Variants in FLYWCH1 observed in about 807,000 individuals in gnomAD.
FLYWCH1 encodes the protein FLYWCH-type zinc finger 1.
In FLYWCH1, 75 loss-of-function variants were observed where a neutral mutation model predicts 66.4. That is an observed-to-expected ratio of 1.13 (90% CI 0.94 to 1.37). The LOEUF is 1.37. FLYWCH1 is among the 40% of genes most tolerant of loss of function. FLYWCH1 has a pLI of 0.00. For synonymous variants in FLYWCH1, 595 were observed against 429.9 expected (o/e 1.38, Z -4.75); for missense variants, 1,334 against 1,001.8 (o/e 1.33, Z -4.48).
At chr16:2,920,768 C>T (rs529162629) in intron 2 of FLYWCH1, among the ~76,000 whole-genome samples, 2 of 151,240 alleles carry the variant, frequency 1.3e-5, no homozygotes, top group Non-Finnish European at 2.9e-5. Flanking sequence ...CTCAAACTCC[C>T]CACCTCAGGT....
At chr16:2,924,481 C>T (rs531328847) in intron 2 of FLYWCH1, among the ~76,000 whole-genome samples, 1 of 152,314 alleles carries the variant, frequency 6.6e-6, no homozygotes, top group South Asian at 2.1e-4. Flanking sequence ...TTCCCAGGCT[C>T]CTTCATGTCT....
chr16:2,934,132 T>C (rs535933821), intron 6 of FLYWCH1, among the ~76,000 whole-genome samples, 153 bp downstream of exon 6: 13 of 152,128 alleles, frequency 8.5e-5, no homozygotes, highest in Admixed American at 1.3e-4. Context: ...TCCTACTCCT[T>C]GGCCCCCCTG....
In FLYWCH1 at chr16:2,933,543, G is replaced by A. The variant is rs377223717; in HGVS notation, c.1210G>A (p.Glu404Lys). 1.9e-5 allele frequency: 30 copies of A among 1,607,778 alleles called. No individual in the cohort carries two copies. Among genetic ancestry groups the A allele is most frequent in the East Asian group, 1.8e-4 (8 of 44,800 alleles). The change falls in exon 5 of 10, where the codon GAG becomes AAG. Residue 404 changes from glutamate to lysine, a missense_variant. Glu to Lys is a moderately conservative substitution (Grantham distance 56). Transcript: ENST00000253928. Reference protein sequence around the residue: ...VEDQELPTQPEAPDEHQDMDA... With the variant: ...VEDQELPTQPKAPDEHQDMDA... ...AGACCAGGAGCTGCCAACCCAGCCC[G>A]AGGCCCCAGACGAGCACCAGGACAT...
At chr16:2,918,245 T>G (rs6500714) in intron 2 of FLYWCH1, among the ~76,000 whole-genome samples, 65,781 of 145,314 alleles carry the variant, frequency 0.45, 15,528 homozygotes, top group South Asian at 0.56. Flanking sequence ...CCTCCCAGGC[T>G]CACACCATTC....
intron 4 of FLYWCH1, 63 bp from the exon 5 acceptor site, chr16:2,933,067 G>A: frequency 1.4e-6 from 2 of 1,434,270 alleles, no homozygotes; most frequent in Non-Finnish European, 1.9e-6. Flanking sequence ...CAGTCTGCAG[G>A]GGCTGTCCCT....
chr16:2,943,666 G>A (rs1186467642), intron 9 of FLYWCH1: 1 of 152,114 alleles, frequency 6.6e-6, no homozygotes, highest in Non-Finnish European at 1.5e-5. Context: ...CCAGGCGCGG[G>A]GGTTCACGCC....
At chr16:2,938,548 C>A in intron 8 of FLYWCH1, 92 bp downstream of exon 8, 1 of 1,248,484 alleles carries the variant, frequency 8.0e-7, no homozygotes, top group Non-Finnish European at 1.1e-6. Flanking sequence ...ACCCACTGAG[C>A]AGACTGCTTT....
intron 2 of FLYWCH1, among the ~76,000 whole-genome samples, chr16:2,921,583 A>T (rs1052661430): frequency 3.3e-5 from 5 of 152,116 alleles, no homozygotes; most frequent in African/African-American, 1.2e-4. Context: ...GCAACCTGGC[A>T]AAACCCCGTC....
chr16:2,933,408 G>C lies in FLYWCH1; in HGVS notation c.1075G>C (p.Gly359Arg), dbSNP rs758011834. The change falls in exon 5 of 10, where the codon GGG becomes CGG. Residue 359 changes from glycine (G) to arginine (R), a missense_variant. Gly to Arg is a moderately radical substitution (Grantham distance 125). Transcript: ENST00000253928. ...GCTGCAGGCTGGGCAGGACGGCCCT[G>C]GGAGCCAAGTGGACACGCTGCTCCG... ...ETLQAGQDGPGSQVDTLLRGV... is the reference protein window; with the variant it reads ...ETLQAGQDGPRSQVDTLLRGV... The C allele has an allele frequency of 2.2e-5, 36 of 1,601,586 alleles. No individual in the cohort carries two copies. The Admixed American group carries it at 5.0e-4, about 22-fold the overall frequency.
At chr16:2,928,698 A>C (rs9925416) in intron 2 of FLYWCH1, 102,020 of 152,474 alleles carry the variant, frequency 0.67, 35,018 homozygotes, top group African/African-American at 0.82. Flanking sequence ...CAGTAACAAT[A>C]TGATCTCTCT....
At chr16:2,936,562 C>G (rs989318949) in intron 6 of FLYWCH1, 14 of 456,610 alleles carry the variant, frequency 3.1e-5, no homozygotes, top group African/African-American at 2.4e-4. Flanking sequence ...TCTGTGGCCC[C>G]TGAGCCTGCA....
intron 9 of FLYWCH1, among the ~76,000 whole-genome samples, chr16:2,941,986 G>C (rs1393425544): frequency 1.3e-5 from 1 of 77,282 alleles, no homozygotes; most frequent in Non-Finnish European, 2.2e-5. Context: ...GACAGAGCAA[G>C]ACTCATCTCA....
chr16:2,937,977 C>G (rs1388833391), intron 7 of FLYWCH1, among the ~76,000 whole-genome samples: 2 of 152,178 alleles, frequency 1.3e-5, no homozygotes, highest in Non-Finnish European at 2.9e-5. Flanking sequence ...GCCACGTGCC[C>G]AGTCATCCCC....
chr16:2,949,007 G>A lies in FLYWCH1; in HGVS notation c.*280G>A. 1 of 474,608 alleles carries A rather than the reference G, an allele frequency of 2.1e-6. No homozygotes were observed. Among genetic ancestry groups the A allele is most frequent in the South Asian group, 2.2e-5 (1 of 46,360 alleles). The allele number at this position is 474,608 out of a possible 1,614,324, so 29.4% of individuals were successfully genotyped here. On this transcript the variant is annotated 3_prime_UTR_variant, in exon 10 of 10. Coordinates refer to ENST00000253928, the MANE Select transcript of FLYWCH1 (RefSeq NM_001308068.2). The stretch of plus-strand genomic sequence containing the variant: ...GACCTTTGGAAGACATGACAAAGCT[G>A]CCTGGACACGGACGCCCCTGCTGTA...
In FLYWCH1 at chr16:2,933,781, C is replaced by G. The variant is rs1226092540; in HGVS notation, c.1315C>G (p.Arg439Gly). Residue 439 changes from arginine (R) to glycine (G), a missense_variant, in exon 6 of 10, where the codon CGG becomes GGG. Physicochemically the swap from Arg to Gly is moderately radical, Grantham distance 125. Transcript: ENST00000253928. Reference protein sequence around the residue: ...SFLVYESFLYRREKAAGEKVY... With the variant: ...SFLVYESFLYGREKAAGEKVY... ...CCTGGTGTACGAGTCCTTCCTCTAC[C>G]GGCGGGAGAAGGCGGCTGGGGAGAA... 2.5e-6 allele frequency: 4 copies of G among 1,609,168 alleles called. No individual in the cohort carries two copies. In the African/African-American group the frequency reaches 5.4e-5, roughly 22 times the overall value.
chr16:2,927,749 C>T lies in FLYWCH1; in HGVS notation c.-73-1864C>T, dbSNP rs186364705. Among the ~76,000 whole-genome samples the T allele has an allele frequency of 3.2e-3, 485 of 152,316 alleles. 2 individuals carry two copies. The highest frequency in any genetic ancestry group is 5.2e-3 in the Non-Finnish European group (357 of 68,026). On this transcript the variant is annotated intron_variant, in intron 2 of 9. Transcript: ENST00000253928. ...ACACTGGGCGCCAGGTGAAGGAGGC[C>T]TGCCGCTCCACACCTATGGATATTT...
chr16:2,917,948 C>T (rs11649441), intron 2 of FLYWCH1, among the ~76,000 whole-genome samples: 3 of 151,784 alleles, frequency 2.0e-5, no homozygotes, highest in Admixed American at 1.3e-4. Context: ...GCAATTCTCC[C>T]TGCCTCAGCC....
rs1339230107 is a variant in FLYWCH1 at position 2,948,843 on chromosome 16, G to A, written c.*116G>A. On this transcript the variant is annotated 3_prime_UTR_variant, in exon 10 of 10. Transcript: ENST00000253928. ...AGAAACTTCTTTTCATTCTTCCAAA[G>A]CATCGATGGTCTTCGCGTCTCCTCA... 7 of 910,756 alleles carry A rather than the reference G, an allele frequency of 7.7e-6. No individual in the cohort carries two copies. Among genetic ancestry groups the A allele is most frequent in the Non-Finnish European group, 3.5e-6 (2 of 564,274 alleles). 56.4% of individuals were successfully genotyped at this position (910,756 alleles called of 1,614,324 possible).
At chr16:2,920,722 G>A (rs1394976181) in intron 2 of FLYWCH1, among the ~76,000 whole-genome samples, 3 of 151,574 alleles carry the variant, frequency 2.0e-5, no homozygotes, top group African/African-American at 7.3e-5. Flanking sequence ...TGTATTTTTA[G>A]TGGAGACGGG....
Sources: gnomAD v4.1 joint callset for allele counts (sites outside exome capture counted in the v4.1 genomes callset) on GRCh38, gnomAD v4.1.1 for gene constraint, MANE v1.5 for transcripts, NCBI Gene and HGNC (gene_info 2026-07-23, HGNC 2026-07-21) for gene names.